Variants in AXDND1 observed in about 807,000 individuals in gnomAD.
The protein encoded by AXDND1 is axonemal dynein light chain domain containing 1.
A neutral mutation model predicts 137.5 loss-of-function variants in AXDND1; 110 were observed. The ratio of observed to expected loss-of-function variants is 0.80; its 90% CI spans 0.69 to 0.94. The LOEUF (loss-of-function observed/expected upper bound fraction) is 0.94. Ranked by LOEUF, AXDND1 falls within the 40% of genes least tolerant of loss-of-function variation. The pLI, the probability that AXDND1 is intolerant of heterozygous loss-of-function variation, is 0.00. For missense variants in AXDND1, 1,191 were observed against 1,169.8 expected (o/e 1.02, Z -0.26); for synonymous variants, 414 against 399.7 (o/e 1.04, Z -0.43).
chr1:179,421,624 T>A (rs1224150187), intron 12 of AXDND1, among the ~76,000 whole-genome samples: 2 of 151,660 alleles, frequency 1.3e-5, no homozygotes, highest in Non-Finnish European at 2.9e-5. Flanking sequence ...CCTAAAGTGA[T>A]CCACCTGCCT....
At chr1:179,471,115 A>C (rs182179710) in intron 17 of AXDND1, among the ~76,000 whole-genome samples, 1 of 152,316 alleles carries the variant, frequency 6.6e-6, no homozygotes, top group African/African-American at 2.4e-5. Context: ...ATTGTGTAAA[A>C]TACTTTTGAT....
chr1:179,413,546 G>A (rs1654209700), intron 12 of AXDND1, among the ~76,000 whole-genome samples: 1 of 152,162 alleles, frequency 6.6e-6, no homozygotes, highest in South Asian at 2.1e-4. Flanking sequence ...ATTGCCTTCA[G>A]CTTCATCCAT....
In AXDND1 at chr1:179,368,988, T is replaced by C. The variant is rs1250481791; in HGVS notation, c.270+16T>C. The C allele has an allele frequency of 6.4e-7, 1 of 1,574,270 alleles. No homozygotes were observed. Among genetic ancestry groups the C allele is most frequent in the South Asian group, 1.1e-5 (1 of 88,664 alleles). On this transcript the variant is annotated intron_variant, in intron 3 of 25. Coordinates refer to ENST00000367618, the MANE Select transcript of AXDND1 (RefSeq NM_144696.6). The stretch of plus-strand genomic sequence containing the variant: ...AACCCCAAAGGTTTGTATGTACATA[T>C]GTAGAGTAATGGGGAACATTATTTT...
chr1:179,488,899 C>T (rs28417844), intron 18 of AXDND1, among the ~76,000 whole-genome samples: 72,120 of 144,110 alleles, frequency 0.5, 20,949 homozygotes, highest in East Asian at 0.76. Context: ...CACACCAGGC[C>T]AATTTTTGTA....
intron 4 of AXDND1, among the ~76,000 whole-genome samples, chr1:179,372,389 T>A (rs1450496214): frequency 6.6e-6 from 1 of 152,126 alleles, no homozygotes; most frequent in Non-Finnish European, 1.5e-5. Context: ...CAGAACAGGG[T>A]GACATTGACA....
intron 12 of AXDND1, among the ~76,000 whole-genome samples, chr1:179,413,964 T>C (rs1473598739): frequency 6.6e-6 from 1 of 152,142 alleles, no homozygotes; most frequent in African/African-American, 2.4e-5. Flanking sequence ...TATCTCATTA[T>C]GGTCAAAGTC....
Position 179,487,995 on chromosome 1 carries a change from C to CAAAAAA in AXDND1, c.2092-3528_2092-3523dup, listed in dbSNP as rs71114524. ...TGTGAAACAGAGTGAGACCATGTCT[C>CAAAAAA]AAAAAAAAAAAAAAAAAAAAGAGAA... On this transcript the variant is annotated intron_variant, in intron 18 of 25. Transcript: ENST00000367618. Among the ~76,000 whole-genome samples, 344 of 101,298 alleles carry CAAAAAA rather than the reference C, an allele frequency of 3.4e-3. 4 individuals carry two copies. Among genetic ancestry groups the CAAAAAA allele is most frequent in the African/African-American group, 0.01 (223 of 21,996 alleles). 66.5% of individuals were successfully genotyped at this position (101,298 alleles called of 152,430 possible). A position where few individuals can be genotyped will look rare whatever the true frequency, so the allele number is the denominator to read the frequency against.
intron 12 of AXDND1, among the ~76,000 whole-genome samples, chr1:179,423,816 G>A (rs1231096620): frequency 1.3e-5 from 2 of 152,140 alleles, no homozygotes; most frequent in Non-Finnish European, 2.9e-5. Flanking sequence ...ACAAGTTGCT[G>A]TAGCTATTAT....
chr1:179,543,214 A>C (rs1354229575), intron 25 of AXDND1: 1 of 152,120 alleles, frequency 6.6e-6, no homozygotes, highest in Non-Finnish European at 1.5e-5. Flanking sequence ...GGATGTATTT[A>C]TTTTTATTTT....
intron 25 of AXDND1, among the ~76,000 whole-genome samples, chr1:179,542,350 C>T (rs528705604): frequency 8.5e-5 from 13 of 152,312 alleles, no homozygotes; most frequent in African/African-American, 3.1e-4. Context: ...ACCTGCCCCT[C>T]AGCAAAAGCA....
intron 9 of AXDND1, among the ~76,000 whole-genome samples, chr1:179,390,692 A>G (rs906428535): frequency 3.6e-5 from 5 of 138,656 alleles, no homozygotes; most frequent in Middle Eastern, 3.7e-3. Context: ...GGGCTCTACA[A>G]TTTTCTACAA....
intron 21 of AXDND1, among the ~76,000 whole-genome samples, chr1:179,517,494 A>G (rs1241934549): frequency 6.6e-6 from 1 of 152,188 alleles, no homozygotes; most frequent in East Asian, 1.9e-4. Context: ...AAATTGTTAC[A>G]AAGTTCAGCT....
chr1:179,394,129 T>G, intron 10 of AXDND1, 86 bp downstream of exon 10: 1 of 1,368,212 alleles, frequency 7.3e-7, no homozygotes, highest in African/African-American at 1.5e-5. Context: ...GAAAGTGGAA[T>G]GGTTAAAGGC....
chr1:179,437,648 C>A (rs1041119360), intron 15 of AXDND1, among the ~76,000 whole-genome samples: 3 of 150,286 alleles, frequency 2.0e-5, no homozygotes, highest in Non-Finnish European at 4.4e-5. Context: ...AATTGGCGGT[C>A]CATCCGATTT....
chr1:179,553,578 A>G (rs1339484112), intron 25 of AXDND1, among the ~76,000 whole-genome samples: 1 of 152,212 alleles, frequency 6.6e-6, no homozygotes, highest in Admixed American at 6.5e-5. Flanking sequence ...CAGAAACTAA[A>G]TTAGTGGTTG....
chr1:179,389,334 A>G (rs1649755320), intron 9 of AXDND1, among the ~76,000 whole-genome samples: 1 of 152,152 alleles, frequency 6.6e-6, no homozygotes, highest in African/African-American at 2.4e-5. Context: ...AAAATCTGCT[A>G]TTGGTTATTT....
intron 25 of AXDND1, among the ~76,000 whole-genome samples, chr1:179,547,443 G>C (rs1483245722): frequency 3.9e-5 from 6 of 152,218 alleles, no homozygotes; most frequent in Non-Finnish European, 8.8e-5. Flanking sequence ...GCAGAGTGCA[G>C]GTTTTTGAGA....
intron 12 of AXDND1, among the ~76,000 whole-genome samples, chr1:179,426,776 C>A (rs1453727223): frequency 6.6e-6 from 1 of 151,994 alleles, no homozygotes; most frequent in Non-Finnish European, 1.5e-5. Flanking sequence ...TATGTATGTG[C>A]AAAGATGGCT....
At position 179,492,845 on chromosome 1, in the gene AXDND1, CT is replaced by C. The variant is rs1211836250; in HGVS notation, c.2292-5del. On this transcript the variant is annotated splice_polypyrimidine_tract_variant and intron_variant, in intron 19 of 25. Transcript: ENST00000367618. ...TCTTTTTCTTTTTCTTTTTTTCCCC[CT>C]TTTTGCAGTTGTTGCAAAGGGATGG... 6.4e-7 allele frequency: 1 copy of C among 1,574,436 alleles called. No individual in the cohort carries two copies. The highest frequency in any genetic ancestry group is 1.7e-4 in the Middle Eastern group (1 of 5,896).
Sources: allele counts gnomAD v4.1 joint callset (sites outside exome capture counted in the v4.1 genomes callset), GRCh38; gene constraint gnomAD v4.1.1; transcripts MANE v1.5; gene names NCBI Gene and HGNC (gene_info 2026-07-23, HGNC 2026-07-21).